GRSF1: variants seen among roughly 807,000 people sequenced by gnomAD.
The protein encoded by GRSF1 is G-rich RNA sequence binding factor 1, also known as G-rich sequence factor 1.
A neutral mutation model predicts 51.1 loss-of-function variants in GRSF1; 50 were observed. The ratio of observed to expected loss-of-function variants is 0.98; its 90% CI spans 0.78 to 1.24. The LOEUF (loss-of-function observed/expected upper bound fraction) is 1.24, where lower values mean the gene tolerates loss of function less well. GRSF1 is among the 50% of genes most tolerant of loss of function. The pLI is 0.00. For missense variants in GRSF1, 700 were observed against 639.7 expected, an observed-to-expected ratio of 1.09 and a Z score of -1.02; for synonymous variants, 293 against 253.3, an observed-to-expected ratio of 1.16 and a Z score of -1.49.
In GRSF1 at chr4:70,817,430, C is replaced by T. The variant is rs938052210; in HGVS notation, c.*3457G>A. 1 of 152,184 alleles carries T rather than the reference C, an allele frequency of 6.6e-6. No individual in the cohort carries two copies. Among genetic ancestry groups the T allele is most frequent in the Non-Finnish European group, 1.5e-5 (1 of 68,034 alleles). 9.4% of individuals were successfully genotyped at this position (152,184 alleles called of 1,614,324 possible). On this transcript the variant is annotated 3_prime_UTR_variant, in exon 10 of 10. Transcript: ENST00000254799. The stretch of plus-strand genomic sequence containing the variant: ...GACAGATTAAACCTTCCTTCCTATA[C>T]TTCCTTTCTAAAAATAAGAAAACCA...
At position 70,821,673 on chromosome 4, in the gene GRSF1, C is replaced by CT. The variant is rs377564579; in HGVS notation, c.*26-813dup. ...AATGAATGTCCGTGTTTTTTTGTTC[C>CT]TTTTTTTTTTTTTTTTTTGAGACAG... On this transcript the variant is annotated intron_variant, in intron 9 of 9. Transcript: ENST00000254799. Among the ~76,000 whole-genome samples the CT allele has an allele frequency of 6.5e-3, 699 of 107,098 alleles. 12 individuals carry two copies. The highest frequency in any genetic ancestry group is 0.021 in the African/African-American group (643 of 30,782). 70.3% of individuals were successfully genotyped at this position (107,098 alleles called of 152,430 possible).
chr4:70,837,440 C>G (rs1734259774), intron 1 of GRSF1, among the ~76,000 whole-genome samples: 1 of 150,970 alleles, frequency 6.6e-6, no homozygotes, highest in East Asian at 2.0e-4. Context: ...GGCGTGTGCC[C>G]GTAATCCCAG....
intron 9 of GRSF1, among the ~76,000 whole-genome samples, chr4:70,822,531 T>C (rs1733559261): frequency 6.8e-6 from 1 of 147,192 alleles, no homozygotes; most frequent in East Asian, 2.0e-4. Flanking sequence ...TGCAGTGAGC[T>C]GAGATTGTGC....
intron 2 of GRSF1, among the ~76,000 whole-genome samples, chr4:70,833,768 C>A (rs148131477): frequency 6.6e-6 from 1 of 152,240 alleles, no homozygotes; most frequent in African/African-American, 2.4e-5. Context: ...ATCCTCCCAC[C>A]TTAGTCTCCC....
rs1174225767 is a variant in GRSF1 at position 70,819,146 on chromosome 4, C to G, written c.*1741G>C. On this transcript the variant is annotated 3_prime_UTR_variant, in exon 10 of 10. Transcript: ENST00000254799. ...CATCATATAGCATTTTAATGCTTTGCTTGCATTCTTTTTCCAGAGATGTGC... is the reference window on the plus strand; with the variant it reads ...CATCATATAGCATTTTAATGCTTTGGTTGCATTCTTTTTCCAGAGATGTGC... The G allele has an allele frequency of 6.6e-6, 1 of 152,182 alleles. No homozygotes were observed. Among genetic ancestry groups the G allele is most frequent in the Admixed American group, 6.5e-5 (1 of 15,278 alleles). The allele number at this position is 152,182 out of a possible 1,614,324, so 9.4% of individuals were successfully genotyped here.
intron 1 of GRSF1, among the ~76,000 whole-genome samples, chr4:70,838,204 G>C (rs1734297324): frequency 8.5e-6 from 1 of 117,398 alleles, no homozygotes; most frequent in African/African-American, 3.4e-5. Context: ...GGGCGACAGA[G>C]CGAGACTCGG....
rs538673376 is a variant in GRSF1 at position 70,819,773 on chromosome 4, G to A, written c.*1114C>T. 1 of 152,656 alleles carries A rather than the reference G, an allele frequency of 6.6e-6. No homozygotes were observed. The highest frequency in any genetic ancestry group is 2.4e-5 in the African/African-American group (1 of 41,534). The allele number at this position is 152,656 out of a possible 1,614,324, so 9.5% of individuals were successfully genotyped here. A position where few individuals can be genotyped will look rare whatever the true frequency, so the allele number is the denominator to read the frequency against. ...ACAGGATTTTGATTCTCCTACACAGGTGCACATAAAGTTAGTTTATTAATG... is the reference window on the plus strand; with the variant it reads ...ACAGGATTTTGATTCTCCTACACAGATGCACATAAAGTTAGTTTATTAATG... On this transcript the variant is annotated 3_prime_UTR_variant, in exon 10 of 10. Coordinates refer to ENST00000254799, the MANE Select transcript of GRSF1 (RefSeq NM_002092.4).
chr4:70,838,365 G>A (rs1198744333), intron 1 of GRSF1, among the ~76,000 whole-genome samples: 1 of 152,042 alleles, frequency 6.6e-6, no homozygotes, highest in Admixed American at 6.6e-5. Context: ...AAGGTTTACT[G>A]GAGATGGTTT....
intron 1 of GRSF1, among the ~76,000 whole-genome samples, chr4:70,838,596 T>C (rs1281041024): frequency 6.6e-6 from 1 of 152,174 alleles, no homozygotes; most frequent in Admixed American, 6.6e-5. Context: ...AATCAGGGGC[T>C]GGGTAGTTAA....
At chr4:70,831,501 T>C (rs749969651) in intron 5 of GRSF1, 38 bp downstream of exon 5, 1 of 1,576,354 alleles carries the variant, frequency 6.3e-7, no homozygotes, top group Non-Finnish European at 8.7e-7. Flanking sequence ...TGACTTAATG[T>C]GTAACACTTC....
intron 1 of GRSF1, among the ~76,000 whole-genome samples, chr4:70,838,089 G>T (rs1320143567): frequency 6.6e-6 from 1 of 151,408 alleles, no homozygotes; most frequent in Non-Finnish European, 1.5e-5. Flanking sequence ...CGCAGTGGCG[G>T]GCGCCTGTAG....
At chr4:70,828,270 C>A (rs1733813672) in intron 5 of GRSF1, among the ~76,000 whole-genome samples, 1 of 152,172 alleles carries the variant, frequency 6.6e-6, no homozygotes, top group Admixed American at 6.5e-5. Flanking sequence ...TCTTCACATA[C>A]ATTTTAATAA....
chr4:70,828,103 A>G, intron 5 of GRSF1, 67 bp from the exon 6 acceptor site: 6 of 1,069,920 alleles, frequency 5.6e-6, no homozygotes, highest in Non-Finnish European at 7.0e-6. Flanking sequence ...CTCATTTAAA[A>G]TAAACATGTA....
At chr4:70,828,812 A>C (rs1466265346) in intron 5 of GRSF1, among the ~76,000 whole-genome samples, 1 of 147,628 alleles carries the variant, frequency 6.8e-6, no homozygotes, top group African/African-American at 2.5e-5. Flanking sequence ...ATCTTGGCTC[A>C]CTGCAACCTC....
chr4:70,832,551 A>G (rs772484795), intron 3 of GRSF1, 101 bp from the exon 4 acceptor site: 14 of 662,414 alleles, frequency 2.1e-5, no homozygotes, highest in South Asian at 5.9e-5. Context: ...TGAGAATTCA[A>G]TAACTATTTT....
At position 70,839,341 on chromosome 4, in the gene GRSF1, G is replaced by A. The variant is rs1298706877; in HGVS notation, c.357+130C>T. 3 of 1,504,724 alleles carry A rather than the reference G, an allele frequency of 2.0e-6. No individual in the cohort carries two copies. The Admixed American group carries it at 6.0e-5, about 30-fold the overall frequency. 93.2% of individuals were successfully genotyped at this position (1,504,724 alleles called of 1,614,324 possible). On this transcript the variant is annotated intron_variant, in intron 1 of 9. Coordinates refer to ENST00000254799, the MANE Select transcript of GRSF1 (RefSeq NM_002092.4). ...TAGGAGCACAGGGTGGACGGGGGCG[G>A]GTGTGCGGCGAGTGTCGCGGATCCC...
At chr4:70,823,204 A>G (rs191543958) in intron 9 of GRSF1, among the ~76,000 whole-genome samples, 5 of 151,896 alleles carry the variant, frequency 3.3e-5, no homozygotes, top group African/African-American at 1.2e-4. Context: ...AAGACCAGCC[A>G]TGACCAACAT....
At chr4:70,837,376 A>G (rs1364220992) in intron 1 of GRSF1, among the ~76,000 whole-genome samples, 1 of 151,972 alleles carries the variant, frequency 6.6e-6, no homozygotes, top group Non-Finnish European at 1.5e-5. Context: ...CAGCCTGGCC[A>G]ACATGGCAAA....
In GRSF1 at chr4:70,839,492, G is replaced by A. The variant is rs904272603; in HGVS notation, c.336C>T (p.Val112=). The part of the protein sequence containing the change: ...LPQSLAAAAA[V]PTRSYSQESK... ...GTACCTGGCTGTAGCTGCGCGTCGG[G>A]ACGGCGGCCGCCGCCGCCAGCGACT... The change falls in exon 1 of 10, where the codon GTC becomes GTT. Residue 112 remains valine, a synonymous_variant. Transcript: ENST00000254799. The A allele has an allele frequency of 4.3e-5, 61 of 1,424,302 alleles. 1 individual carries two copies. The highest frequency in any genetic ancestry group is 1.3e-4 in the South Asian group (9 of 70,780). 88.2% of individuals were successfully genotyped at this position (1,424,302 alleles called of 1,614,324 possible).
Sources: allele counts gnomAD v4.1 joint callset (sites outside exome capture counted in the v4.1 genomes callset), GRCh38; gene constraint gnomAD v4.1.1; transcripts MANE v1.5; gene names NCBI Gene and HGNC (gene_info 2026-07-23, HGNC 2026-07-21).